SLC14A2: variants seen among roughly 807,000 people sequenced by gnomAD.
The protein encoded by SLC14A2 is urea transporter 2.
Under a neutral mutation model 104.6 loss-of-function variants are expected in SLC14A2, and 91 were observed. That is an observed-to-expected ratio of 0.87 (90% CI 0.73 to 1.04). The LOEUF (loss-of-function observed/expected upper bound fraction) is 1.04, where lower values mean the gene tolerates loss of function less well. SLC14A2 is among the 50% of genes least tolerant of loss of function. The pLI is 0.00. For missense variants in SLC14A2, 1,189 were observed against 1,156.0 expected (o/e 1.03, Z -0.41); for synonymous variants, 476 against 466.4 (o/e 1.02, Z -0.27).
intron 2 of SLC14A2, among the ~76,000 whole-genome samples, chr18:45,539,571 ACCCCATGGAGCCCAGGCAGGCAG>A (rs1312177347): frequency 4.6e-5 from 7 of 152,108 alleles, no homozygotes; most frequent in Non-Finnish European, 8.8e-5. Context: ...CAGCCAGGCA[ACCCCATGGAGCCCAGGCAGGCAG>A]CCCCATCGAT....
At chr18:45,276,718 C>T (rs1377522774) in intron 1 of SLC14A2, among the ~76,000 whole-genome samples, 2 of 152,214 alleles carry the variant, frequency 1.3e-5, no homozygotes, top group South Asian at 2.1e-4. Flanking sequence ...ATAGAAATAA[C>T]TGAATTATCA....
rs1729104863 is a variant in SLC14A2, at chr18:45,658,697, A to G, written c.1352-5088A>G. Among the ~76,000 whole-genome samples the G allele has an allele frequency of 2.0e-5, 3 of 152,168 alleles. 1 individual carries two copies. The South Asian group carries it at 6.2e-4, about 32-fold the overall frequency. On this transcript the variant is annotated intron_variant, in intron 10 of 19. Transcript: ENST00000255226. ...TATTATTTCCCCTCTGAAAGAAGTC[A>G]CATATGATTTAGGTTTATTTTGTTC...
the SLC14A2 span, among the ~76,000 whole-genome samples, chr18:45,200,279 T>C: frequency 6.6e-6 from 1 of 152,116 alleles, no homozygotes; most frequent in Non-Finnish European, 1.5e-5. Context: ...CTAATTGTGG[T>C]CAATATGTAG....
At chr18:45,636,739 G>T (rs2045422118) in intron 5 of SLC14A2, among the ~76,000 whole-genome samples, 1 of 151,964 alleles carries the variant, frequency 6.6e-6, no homozygotes, top group Admixed American at 6.5e-5. Flanking sequence ...TTTAAAATTT[G>T]TTTCTCAGAG....
intron 2 of SLC14A2, among the ~76,000 whole-genome samples, chr18:45,567,056 GTGTGTGTGTGT>G: frequency 4.9e-4 from 1 of 2,052 alleles, no homozygotes; most frequent in African/African-American, 4.0e-3. Context: ...TGTGCACATA[GTGTGTGTGTGT>G]GTGTGTGTGT....
intron 1 of SLC14A2, among the ~76,000 whole-genome samples, chr18:45,246,611 C>T (rs776534968): frequency 3.3e-5 from 5 of 151,944 alleles, no homozygotes; most frequent in African/African-American, 9.7e-5. Context: ...CTCACTCTGT[C>T]GCCCAGGCTG....
chr18:45,564,377 T>G (rs896110467), intron 2 of SLC14A2, among the ~76,000 whole-genome samples: 1 of 152,182 alleles, frequency 6.6e-6, no homozygotes, highest in Non-Finnish European at 1.5e-5. Flanking sequence ...ACACAGATAC[T>G]CAGGTCTCTG....
intron 1 of SLC14A2, among the ~76,000 whole-genome samples, chr18:45,357,663 C>G (rs1378894941): frequency 1.3e-5 from 2 of 152,016 alleles, no homozygotes; most frequent in African/African-American, 4.8e-5. Context: ...GGGTGTGGAG[C>G]CCCTCTGCAG....
chr18:45,527,901 A>G (rs1457402795), intron 2 of SLC14A2: 1 of 152,206 alleles, frequency 6.6e-6, no homozygotes. Flanking sequence ...CCAAGAAAAA[A>G]AGACCTTATT....
chr18:45,669,267 C>A (rs368079588), intron 15 of SLC14A2, 39 bp from the exon 16 acceptor site: 4 of 1,551,234 alleles, frequency 2.6e-6, no homozygotes, highest in Non-Finnish European at 3.5e-6. Context: ...TATGACCAGG[C>A]GGCTTCCTGA....
chr18:45,179,153 C>T, the SLC14A2 span, among the ~76,000 whole-genome samples: 1 of 152,170 alleles, frequency 6.6e-6, no homozygotes, highest in East Asian at 1.9e-4. Context: ...AGACACTGCC[C>T]ATTCCACCCT....
Position 45,542,035 on chromosome 18 carries a change from GTTTTTTTTTTTTTTTTTTTTTTTTT to G in SLC14A2, c.-35+58726_-35+58750del, listed in dbSNP as rs60977948. ...GGGCTTGTTAGATGAAAGAGAGAGG[GTTTTTTTTTTTTTTTTTTTTTTTTT>G]TTTTTTTTTTTTGCTTTTGAGTTTC... is the stretch of plus-strand genomic sequence containing the variant. On this transcript the variant is annotated intron_variant, in intron 2 of 20. Transcript: ENST00000586448. 5.5e-5 allele frequency among the ~76,000 whole-genome samples: 3 copies of G among 54,206 alleles called. No individual in the cohort carries two copies. The Admixed American group carries it at 6.6e-4, about 12-fold the overall frequency. The allele number at this position is 54,206 out of a possible 152,430, so 35.6% of individuals were successfully genotyped here. A position where few individuals can be genotyped will look rare whatever the true frequency, so the allele number is the denominator to read the frequency against.
chr18:45,214,062 G>A (rs907291717), intron 1 of SLC14A2, among the ~76,000 whole-genome samples: 3 of 152,206 alleles, frequency 2.0e-5, no homozygotes, highest in Non-Finnish European at 2.9e-5. Context: ...GACAGAGATA[G>A]GTGAGATGAG....
At chr18:45,566,515 GCA>G (rs66828313) in intron 2 of SLC14A2, among the ~76,000 whole-genome samples, 17,052 of 149,944 alleles carry the variant, frequency 0.11, 996 homozygotes, top group Non-Finnish European at 0.12. Flanking sequence ...GCTCACGCTC[GCA>G]CACACACACA....
At chr18:45,666,115 T>C (rs772928639) in intron 11 of SLC14A2, 22 bp from the exon 12 acceptor site, 2 of 1,575,010 alleles carry the variant, frequency 1.3e-6, no homozygotes, top group Admixed American at 1.7e-5. Context: ...TAACTGATGG[T>C]GCTCTTTCCT....
chr18:45,185,787 C>T, the SLC14A2 span, among the ~76,000 whole-genome samples: 55,232 of 151,856 alleles, frequency 0.36, 11,168 homozygotes, highest in Non-Finnish European at 0.47. Context: ...GTGAATTTAA[C>T]AAGGCATCAG....
intron 1 of SLC14A2, among the ~76,000 whole-genome samples, chr18:45,328,794 A>G (rs1185762707): frequency 6.6e-6 from 1 of 152,246 alleles, no homozygotes; most frequent in Non-Finnish European, 1.5e-5. Context: ...AATTATGAAA[A>G]GCACATTGCA....
At chr18:45,437,403 C>T (rs1379935740) in intron 1 of SLC14A2, among the ~76,000 whole-genome samples, 1 of 152,112 alleles carries the variant, frequency 6.6e-6, no homozygotes, top group Non-Finnish European at 1.5e-5. Context: ...GGAAGTTAAG[C>T]TGTTTTCTCT....
intron 1 of SLC14A2, among the ~76,000 whole-genome samples, chr18:45,622,690 G>A (rs2045193335): frequency 6.6e-6 from 1 of 152,106 alleles, no homozygotes; most frequent in African/African-American, 2.4e-5. Flanking sequence ...AACCAGAGAG[G>A]GGAGCAGATA....
Sources: allele counts gnomAD v4.1 joint callset (sites outside exome capture counted in the v4.1 genomes callset), GRCh38; gene constraint gnomAD v4.1.1; transcripts MANE v1.5; gene names NCBI Gene and HGNC (gene_info 2026-07-23, HGNC 2026-07-21).